The following NAV2 variants were observed in gnomAD, a reference collection of about 807,000 sequenced individuals.
NAV2 encodes neuron navigator 2.
In NAV2, 54 loss-of-function variants were observed where a neutral mutation model predicts 223.2. The ratio of observed to expected loss-of-function variants is 0.24; its 90% CI spans 0.19 to 0.30. NAV2 has a LOEUF of 0.30. Among genes scored for constraint, NAV2 ranks in the 10% least tolerant of loss-of-function variants. The probability of loss-of-function intolerance (pLI) is 1.00; values close to 1 mark genes in which losing one functional copy is unlikely to be tolerated. For synonymous variants in NAV2, 1,279 were observed against 1,239.3 expected, an observed-to-expected ratio of 1.03 and a Z score of -0.67; for missense variants, 2,806 against 3,147.5, an observed-to-expected ratio of 0.89 and a Z score of 2.60.
chr11:19,501,971 T>C (rs1009647238), intron 1 of NAV2, among the ~76,000 whole-genome samples: 1 of 152,178 alleles, frequency 6.6e-6, no homozygotes, highest in African/African-American at 2.4e-5. Context: ...TGCTCCGCAT[T>C]GTAAGTGAAC....
chr11:19,457,084 G>T (rs547491448), intron 1 of NAV2, among the ~76,000 whole-genome samples: 1 of 152,258 alleles, frequency 6.6e-6, no homozygotes, highest in African/African-American at 2.4e-5. Flanking sequence ...ACTAGACCCT[G>T]CTCAAGGCTC....
intron 1 of NAV2, chr11:19,519,637 G>C (rs569769211): frequency 3.9e-5 from 6 of 152,238 alleles, no homozygotes; most frequent in African/African-American, 1.2e-4. Flanking sequence ...ATTCAGGAAG[G>C]CTGCCCCTGC....
rs761608432 is a variant in NAV2, at chr11:20,044,019, C to T, written c.2946C>T (p.Ser982=). 1.9e-6 allele frequency: 3 copies of T among 1,614,154 alleles called. No homozygotes were observed. The highest frequency in any genetic ancestry group is 2.2e-5 in the East Asian group (1 of 44,866). The change falls in exon 13 of 38, where the codon TCC becomes TCT. Residue 982 remains serine (S), a synonymous_variant. Coordinates refer to ENST00000349880, the MANE Select transcript of NAV2 (RefSeq NM_145117.5). ...AEKHSQVERN[S]LWSGDDVKKS... is the part of the protein sequence containing the mutation. Reference sequence around the variant, plus strand: ...AGCACTCACAGGTGGAGAGGAATTCCCTGTGGTCTGGTGATGATGTCAAGA... The same window carrying T: ...AGCACTCACAGGTGGAGAGGAATTCTCTGTGGTCTGGTGATGATGTCAAGA...
At chr11:19,410,878 C>T (rs566959209) in intron 1 of NAV2, among the ~76,000 whole-genome samples, 2 of 151,772 alleles carry the variant, frequency 1.3e-5, no homozygotes, top group African/African-American at 2.4e-5. Context: ...TGTTTGTTTG[C>T]CAATGAAGAG....
chr11:20,103,290 G>A lies in NAV2; in HGVS notation c.6453G>A (p.Gln2151=), dbSNP rs2061770331. The stretch of plus-strand genomic sequence containing the variant: ...AGTACCTGTCCAACCTTGCTGACCA[G>A]TGCAACAGTGAGAACAATGCTGTGG... The part of the protein sequence containing the change: ...LRQYLSNLAD[Q]CNSENNAVDM... Residue 2151 remains glutamine (Q), a synonymous_variant, in exon 33 of 38, where the codon CAG becomes CAA. Transcript: ENST00000349880. 6.2e-7 allele frequency: 1 copy of A among 1,614,070 alleles called. No homozygotes were observed. Among genetic ancestry groups the A allele is most frequent in the African/African-American group, 1.3e-5 (1 of 74,946 alleles).
chr11:20,036,672 A>G lies in NAV2; in HGVS notation c.2907+575A>G, dbSNP rs373662240. Among the ~76,000 whole-genome samples, 5 of 152,322 alleles carry G rather than the reference A, an allele frequency of 3.3e-5. No individual in the cohort carries two copies. In the East Asian group the frequency reaches 9.6e-4, roughly 29 times the overall value. On this transcript the variant is annotated intron_variant, in intron 12 of 37. Coordinates refer to ENST00000349880, the MANE Select transcript of NAV2 (RefSeq NM_145117.5). ...TTCCCTGTCAAATTTTTAGAATTAT[A>G]TTATTTCACATGAAAATGTCTTCCT...
At chr11:19,867,641 A>C (rs550267501) in intron 3 of NAV2, among the ~76,000 whole-genome samples, 1 of 152,340 alleles carries the variant, frequency 6.6e-6, no homozygotes, top group Admixed American at 6.5e-5. Flanking sequence ...AGGACCTTGA[A>C]GTGTGAGATG....
intron 1 of NAV2, among the ~76,000 whole-genome samples, chr11:19,747,880 G>A (rs577286782): frequency 1.4e-4 from 21 of 152,238 alleles, no homozygotes; most frequent in African/African-American, 4.3e-4. Flanking sequence ...AGGAGCTTCC[G>A]GCCCAGGTAG....
At chr11:20,055,532 A>G (rs2058312286) in intron 18 of NAV2, among the ~76,000 whole-genome samples, 1 of 152,172 alleles carries the variant, frequency 6.6e-6, no homozygotes, top group African/African-American at 2.4e-5. Flanking sequence ...TGAACGTGCC[A>G]AGTTGGAAAG....
intron 11 of NAV2, among the ~76,000 whole-genome samples, chr11:20,024,825 G>A (rs1047170790): frequency 6.6e-6 from 1 of 152,174 alleles, no homozygotes; most frequent in African/African-American, 2.4e-5. Flanking sequence ...GGAGACTATG[G>A]GGGTATTGAA....
chr11:20,050,192 C>G (rs191765751), intron 16 of NAV2, among the ~76,000 whole-genome samples: 1 of 152,258 alleles, frequency 6.6e-6, no homozygotes, highest in Non-Finnish European at 1.5e-5. Context: ...TCTCTTGTGG[C>G]CTCCTGTGGC....
chr11:19,619,124 T>C (rs1368482150), intron 1 of NAV2, among the ~76,000 whole-genome samples: 2 of 150,866 alleles, frequency 1.3e-5, no homozygotes, highest in Non-Finnish European at 2.9e-5. Context: ...TTCCATGGTA[T>C]ATATGTGCCA....
intron 1 of NAV2, among the ~76,000 whole-genome samples, chr11:19,747,292 A>G (rs10734283): frequency 0.98 from 148,661 of 152,028 alleles, 72,770 homozygotes; most frequent in East Asian, 1. Context: ...CCAGTCTATC[A>G]TTGTTGGACA....
chr11:19,712,833 G>T (rs764641740), upstream of NAV2, among the ~76,000 whole-genome samples: 34 of 151,424 alleles, frequency 2.2e-4, no homozygotes, highest in Non-Finnish European at 3.7e-4. Context: ...GCCGGCAGCA[G>T]CCTGTCCTCC....
At chr11:19,619,476 A>T (rs561489839) in intron 1 of NAV2, among the ~76,000 whole-genome samples, 6 of 152,196 alleles carry the variant, frequency 3.9e-5, no homozygotes, top group Middle Eastern at 3.4e-3. Flanking sequence ...ATGGTATCTC[A>T]TTGTGGTTTT....
chr11:19,684,043 C>A (rs2048949821), intron 1 of NAV2, among the ~76,000 whole-genome samples: 1 of 152,146 alleles, frequency 6.6e-6, no homozygotes, highest in East Asian at 1.9e-4. Context: ...TACACTCCCC[C>A]AATTGTTTTA....
intron 1 of NAV2, among the ~76,000 whole-genome samples, chr11:19,435,164 C>A (rs991811261): frequency 2.6e-5 from 4 of 151,994 alleles, no homozygotes; most frequent in African/African-American, 9.7e-5. Flanking sequence ...TTATAGTCAC[C>A]ATGCTATGCC....
chr11:19,431,458 G>A (rs1851033552), intron 1 of NAV2, among the ~76,000 whole-genome samples: 1 of 152,152 alleles, frequency 6.6e-6, no homozygotes, highest in Admixed American at 6.5e-5. Context: ...AAAAGACCCT[G>A]CCTCCATGGT....
Position 20,105,672 on chromosome 11 carries a change from C to T in NAV2, c.6786C>T (p.Val2262=), listed in dbSNP as rs779777737. The T allele has an allele frequency of 6.2e-7, 1 of 1,613,798 alleles. No individual in the cohort carries two copies. The highest frequency in any genetic ancestry group is 1.1e-5 in the South Asian group (1 of 91,050). The part of the protein sequence containing the change: ...LVKIIDWIPK[V]WHHLNRFLEA... The stretch of plus-strand genomic sequence containing the variant: ...AAATCATTGACTGGATTCCCAAGGT[C>T]TGGCATCACCTCAACCGCTTCCTGG... The change falls in exon 35 of 38, where the codon GTC becomes GTT. Residue 2262 remains valine (V), a synonymous_variant. Coordinates refer to ENST00000349880, the MANE Select transcript of NAV2 (RefSeq NM_145117.5).
Sources: gnomAD v4.1 joint callset for allele counts (sites outside exome capture counted in the v4.1 genomes callset) on GRCh38, gnomAD v4.1.1 for gene constraint, MANE v1.5 for transcripts, NCBI Gene and HGNC (gene_info 2026-07-23, HGNC 2026-07-21) for gene names.